ZNF285: variants seen among roughly 807,000 people sequenced by gnomAD.
The protein encoded by ZNF285 is zinc finger protein 285.
A neutral mutation model predicts 6.2 loss-of-function variants in ZNF285; 4 were observed. The observed-to-expected ratio is 0.65, with a 90% CI of 0.32 to 1.49. The LOEUF (loss-of-function observed/expected upper bound fraction) is 1.49, where lower values mean the gene tolerates loss of function less well. Among genes scored for constraint, ZNF285 ranks in the 40% most tolerant of loss-of-function variants. ZNF285 has a pLI of 0.07. For missense variants in ZNF285, 695 were observed against 708.8 expected, an observed-to-expected ratio of 0.98 and a Z score of 0.22; for synonymous variants, 240 against 245.8, an observed-to-expected ratio of 0.98 and a Z score of 0.22.
chr19:44,395,730 T>C lies in ZNF285; in HGVS notation c.15+1469A>G, dbSNP rs143064094. ...ACCAGAGTGTGTTTCCTTACCCCTTTAGTTTTGACTTGGCAGTGTAACTTA... is the reference window on the plus strand; with the variant it reads ...ACCAGAGTGTGTTTCCTTACCCCTTCAGTTTTGACTTGGCAGTGTAACTTA... On this transcript the variant is annotated intron_variant, in intron 2 of 3. Coordinates refer to ENST00000614994, the MANE Select transcript of ZNF285 (RefSeq NM_152354.6). 7.1e-3 allele frequency among the ~76,000 whole-genome samples: 1,088 copies of C among 152,262 alleles called. 16 individuals carry two copies. The highest frequency in any genetic ancestry group is 0.027 in the Middle Eastern group (8 of 294).
At position 44,386,175 on chromosome 19, in the gene ZNF285, T is replaced by A; in HGVS notation, c.*297A>T. Reference sequence around the variant, plus strand: ...ATGATCATCCCAATTAGAATTTCCTTCCTGGACACACCCTTTAATGGAAAT... The same window carrying A: ...ATGATCATCCCAATTAGAATTTCCTACCTGGACACACCCTTTAATGGAAAT... On this transcript the variant is annotated 3_prime_UTR_variant, in exon 4 of 4. Coordinates refer to ENST00000614994, the MANE Select transcript of ZNF285 (RefSeq NM_152354.6). The A allele has an allele frequency of 3.3e-6, 1 of 300,768 alleles. No individual in the cohort carries two copies. The highest frequency in any genetic ancestry group is 4.5e-5 in the Admixed American group (1 of 22,096). 18.6% of individuals were successfully genotyped at this position (300,768 alleles called of 1,614,324 possible).
rs779177396 is a variant in ZNF285 at position 44,387,883 on chromosome 19, T to C, written c.362A>G (p.Asn121Ser). 4 of 1,613,948 alleles carry C rather than the reference T, an allele frequency of 2.5e-6. No homozygotes were observed. Among genetic ancestry groups the C allele is most frequent in the Non-Finnish European group, 2.5e-6 (3 of 1,179,870 alleles). ...WAGISLQISE[N>S]ENYVVNAIIK... ...AATGGCATTTACTACATAGTTTTCA[T>C]TTTCAGAAATCTGAAGAGAAATGCC... The change falls in exon 4 of 4, where the codon AAT becomes AGT. Residue 121 changes from asparagine (N) to serine (S), a missense_variant. Asn to Ser is a conservative substitution (Grantham distance 46). Transcript: ENST00000614994.
rs757833312 is a variant in ZNF285 at position 44,387,753 on chromosome 19, T to C, written c.492A>G (p.Gly164=). 1.2e-6 allele frequency: 2 copies of C among 1,613,874 alleles called. No individual in the cohort carries two copies. Among genetic ancestry groups the C allele is most frequent in the South Asian group, 2.2e-5 (2 of 91,068 alleles). The change falls in exon 4 of 4, where the codon GGA becomes GGG. Residue 164 remains glycine, a synonymous_variant. Transcript: ENST00000614994. ...NIMTEPQNSQ[G]RYKGIYMEEK... is the part of the protein sequence containing the mutation. ...CTTCCATGTAAATTCCCTTATATCT[T>C]CCCTGAGAGTTCTGGGGCTCGGTCA...
chr19:44,389,054 A>G (rs1292810777), intron 3 of ZNF285, among the ~76,000 whole-genome samples: 4 of 149,754 alleles, frequency 2.7e-5, no homozygotes, highest in African/African-American at 1.0e-4. Context: ...ATTTTCCCCA[A>G]GGTTCTTTGT....
rs778643626 is a variant in ZNF285, at chr19:44,387,603, A to G, written c.642T>C (p.Gly214=). 8.1e-6 allele frequency: 13 copies of G among 1,613,794 alleles called. No homozygotes were observed. The South Asian group carries it at 1.4e-4, about 18-fold the overall frequency. The change falls in exon 4 of 4, where the codon GGT becomes GGC. Residue 214 remains glycine (G), a synonymous_variant. Transcript: ENST00000614994. The part of the protein sequence containing the change: ...GRHPSCGKNL[G]MKSTVEKRNA... ...TACGTTTTTCAACCGTTGATTTCAT[A>G]CCCAAGTTTTTCCCACAGCTGGGAT...
chr19:44,399,524 C>T (rs1427068880), intron 1 of ZNF285, among the ~76,000 whole-genome samples: 7 of 150,406 alleles, frequency 4.7e-5, no homozygotes. Context: ...GGATATTATA[C>T]ATTAGATGCA....
intron 1 of ZNF285, among the ~76,000 whole-genome samples, chr19:44,400,630 A>C (rs1047521888): frequency 1.3e-5 from 2 of 152,094 alleles, no homozygotes; most frequent in African/African-American, 2.4e-5. Context: ...GCTGGAGTGC[A>C]GTGGCGTGAT....
chr19:44,392,201 C>A, intron 3 of ZNF285, 139 bp downstream of exon 3: 1 of 1,519,938 alleles, frequency 6.6e-7, no homozygotes, highest in Middle Eastern at 2.4e-4. Flanking sequence ...CTGTAGGTTT[C>A]TAACCTGCAC....
At chr19:44,400,742 T>G (rs1395889376) in intron 1 of ZNF285, among the ~76,000 whole-genome samples, 2 of 152,008 alleles carry the variant, frequency 1.3e-5, no homozygotes, top group Non-Finnish European at 2.9e-5. Flanking sequence ...GCCCGGCTAA[T>G]TTTTTGTAAT....
chr19:44,389,406 G>A (rs1358027153), intron 3 of ZNF285, among the ~76,000 whole-genome samples: 1 of 152,078 alleles, frequency 6.6e-6, no homozygotes, highest in Non-Finnish European at 1.5e-5. Context: ...TCAGGGAAAG[G>A]GAGACCATGA....
At position 44,386,239 on chromosome 19, in the gene ZNF285, T is replaced by G; in HGVS notation, c.*233A>C. ...ACAACCACTACCACAAACCACCCATTTGTCAAAAGTAACCTCTTTGCCATT... is the reference window on the plus strand; with the variant it reads ...ACAACCACTACCACAAACCACCCATGTGTCAAAAGTAACCTCTTTGCCATT... On this transcript the variant is annotated 3_prime_UTR_variant, in exon 4 of 4. Transcript: ENST00000614994. 4.3e-6 allele frequency: 2 copies of G among 460,020 alleles called. No homozygotes were observed. Among genetic ancestry groups the G allele is most frequent in the East Asian group, 3.8e-5 (1 of 26,590 alleles). The allele number at this position is 460,020 out of a possible 1,614,324, so 28.5% of individuals were successfully genotyped here.
intron 2 of ZNF285, chr19:44,394,499 T>C (rs2571124): frequency 0.27 from 137,611 of 517,534 alleles, 27,738 homozygotes; most frequent in East Asian, 0.75. Context: ...CCGCAACACA[T>C]AATTTACCCA....
At chr19:44,394,495 C>T (rs1971248274) in intron 2 of ZNF285, 1 of 512,014 alleles carries the variant, frequency 2.0e-6, no homozygotes, top group East Asian at 3.3e-5. Flanking sequence ...ACCCCCGCAA[C>T]ACATAATTTA....
chr19:44,395,465 T>G (rs1387322503), intron 2 of ZNF285, among the ~76,000 whole-genome samples: 1 of 152,124 alleles, frequency 6.6e-6, no homozygotes, highest in Non-Finnish European at 1.5e-5. Flanking sequence ...ATACAACAAC[T>G]AACTGTATGA....
At chr19:44,390,468 A>G (rs1165559592) in intron 3 of ZNF285, among the ~76,000 whole-genome samples, 5 of 152,144 alleles carry the variant, frequency 3.3e-5, no homozygotes, top group African/African-American at 4.8e-5. Flanking sequence ...GAACAGCTGT[A>G]TTTACACAAT....
Position 44,384,429 on chromosome 19 carries a change from T to C in ZNF285, c.*2043A>G, listed in dbSNP as rs1971040601. On this transcript the variant is annotated 3_prime_UTR_variant, in exon 4 of 4. Coordinates refer to ENST00000614994, the MANE Select transcript of ZNF285 (RefSeq NM_152354.6). ...CCAGCAACTTTGTACCTGTTTTTCT[T>C]TCCCCCACCAACTTATGTAAGAACA... 6.6e-6 allele frequency: 1 copy of C among 152,194 alleles called. No homozygotes were observed. The highest frequency in any genetic ancestry group is 6.5e-5 in the Admixed American group (1 of 15,282). The allele number at this position is 152,194 out of a possible 1,614,324, so 9.4% of individuals were successfully genotyped here.
chr19:44,392,227 G>A, intron 3 of ZNF285, 113 bp downstream of exon 3: 1 of 1,550,874 alleles, frequency 6.4e-7, no homozygotes, highest in Non-Finnish European at 8.7e-7. Flanking sequence ...TCTCTTAGGA[G>A]TTTTCTTTCC....
In ZNF285 at chr19:44,387,243, A is replaced by G. The variant is rs151111866; in HGVS notation, c.1002T>C (p.His334=). 0.031 allele frequency: 50,817 copies of G among 1,614,046 alleles called. 964 individuals are homozygous for G. Among genetic ancestry groups the G allele is most frequent in the Non-Finnish European group, 0.034 (40,659 of 1,179,988 alleles). Residue 334 remains histidine, a synonymous_variant, in exon 4 of 4, where the codon CAT becomes CAC. Coordinates refer to ENST00000614994, the MANE Select transcript of ZNF285 (RefSeq NM_152354.6). The part of the protein sequence containing the change: ...GFRRSSSLHN[H]HRVHTGEMPY... ...GCATCTCCCCTGTGTGGACTCGATG[A>G]TGGTTGTGAAGGGAAGAGCTGCGCC...
intron 3 of ZNF285, among the ~76,000 whole-genome samples, chr19:44,390,633 A>G (rs1487851526): frequency 6.6e-6 from 1 of 151,996 alleles, no homozygotes; most frequent in African/African-American, 2.4e-5. Flanking sequence ...GACTGTTGGG[A>G]GGCATCATTG....
Sources: gnomAD v4.1 joint callset for allele counts (sites outside exome capture counted in the v4.1 genomes callset) on GRCh38, gnomAD v4.1.1 for gene constraint, MANE v1.5 for transcripts, NCBI Gene and HGNC (gene_info 2026-07-23, HGNC 2026-07-21) for gene names.